The following AP3D1 variants were observed in gnomAD, a reference collection of about 807,000 sequenced individuals.
AP3D1 encodes AP-3 complex subunit delta-1.
AP3D1 carries 51 observed loss-of-function variants against 147.6 expected under a neutral mutation model. The ratio of observed to expected loss-of-function variants is 0.35; its 90% CI spans 0.28 to 0.44. The LOEUF is 0.44. Ranked by LOEUF, AP3D1 falls within the 20% of genes least tolerant of loss-of-function variation. The pLI, the probability that AP3D1 is intolerant of heterozygous loss-of-function variation, is 1.00. For synonymous variants in AP3D1, 760 were observed against 663.0 expected, an observed-to-expected ratio of 1.15 and a Z score of -2.25; for missense variants, 1,421 against 1,624.2, an observed-to-expected ratio of 0.87 and a Z score of 2.15.
At chr19:2,152,656 T>C (rs1484270693), upstream of AP3D1, among the ~76,000 whole-genome samples, 4 of 151,086 alleles carry the variant, frequency 2.6e-5, no homozygotes, top group Non-Finnish European at 5.9e-5. Flanking sequence ...GGCAGGTGGA[T>C]CATGAGGTCA....
chr19:2,102,728 AAAAT>A (rs148548478), intron 31 of AP3D1, among the ~76,000 whole-genome samples: 34,782 of 129,164 alleles, frequency 0.27, 4,855 homozygotes, highest in Admixed American at 0.31. Context: ...ACTGTCTCAA[AAAAT>A]AAATAAATAA....
intron 11 of AP3D1, 99 bp from the exon 12 acceptor site, chr19:2,121,978 G>T: frequency 7.1e-7 from 1 of 1,415,210 alleles, no homozygotes; most frequent in Non-Finnish European, 9.4e-7. Flanking sequence ...ACCTCGGGAG[G>T]CTGCCTGGCC....
chr19:2,159,938 G>C (rs955504992), intron 1 of AP3D1, among the ~76,000 whole-genome samples: 1 of 151,984 alleles, frequency 6.6e-6, no homozygotes, highest in Non-Finnish European at 1.5e-5. Context: ...GAATGGTCTC[G>C]ATCTCCTGAC....
intron 1 of AP3D1, among the ~76,000 whole-genome samples, chr19:2,163,981 C>G (rs942470034): frequency 4.5e-4 from 68 of 149,766 alleles, no homozygotes; most frequent in Non-Finnish European, 7.2e-4. Context: ...GCTGGAGGCC[C>G]CGGGCCTGTG....
In AP3D1 at chr19:2,132,055, C is replaced by G. The variant is rs555824330; in HGVS notation, c.462+416G>C. On this transcript the variant is annotated intron_variant, in intron 5 of 31. Coordinates refer to ENST00000643116, the MANE Select transcript of AP3D1 (RefSeq NM_001261826.3). ...GGGGCCAAAATTTCCAGGGGCTTCC[C>G]AGGTTTTAGACTGTCACAGCCGGGG... Among the ~76,000 whole-genome samples, 15 of 152,246 alleles carry G rather than the reference C, an allele frequency of 9.9e-5. No homozygotes were observed. The East Asian group carries it at 2.9e-3, about 29-fold the overall frequency.
At chr19:2,149,543 CAAA>C (rs34338190) in intron 1 of AP3D1, among the ~76,000 whole-genome samples, 1 of 115,038 alleles carries the variant, frequency 8.7e-6, no homozygotes, top group Admixed American at 8.8e-5. Context: ...AACTCCGTCT[CAAA>C]AAAAAAAAAA....
chr19:2,122,150 C>T (rs1251736001), intron 11 of AP3D1, among the ~76,000 whole-genome samples: 1 of 152,190 alleles, frequency 6.6e-6, no homozygotes, highest in Non-Finnish European at 1.5e-5. Context: ...GTAGTAGCTG[C>T]TGTCAGCTCT....
intron 1 of AP3D1, among the ~76,000 whole-genome samples, chr19:2,163,635 G>A (rs1483370760): frequency 6.6e-6 from 1 of 152,048 alleles, no homozygotes; most frequent in East Asian, 1.9e-4. Flanking sequence ...GGAGGTGTCC[G>A]GCGTCCTCCT....
intron 4 of AP3D1, among the ~76,000 whole-genome samples, chr19:2,133,020 T>C (rs1599479194): frequency 6.6e-6 from 1 of 152,160 alleles, no homozygotes; most frequent in African/African-American, 2.4e-5. Context: ...TCACTCCAAG[T>C]GTGGGGAAGG....
intron 18 of AP3D1, 41 bp from the exon 19 acceptor site, chr19:2,115,654 G>T: frequency 6.3e-7 from 1 of 1,585,416 alleles, no homozygotes; most frequent in Non-Finnish European, 8.6e-7. Context: ...GCACCGAGGG[G>T]TGACACACGT....
At chr19:2,118,901 C>A in intron 14 of AP3D1, 69 bp from the exon 15 acceptor site, 1 of 1,453,916 alleles carries the variant, frequency 6.9e-7, no homozygotes, top group South Asian at 1.3e-5. Flanking sequence ...AGGTGAGGAC[C>A]TAGGAGGCCT....
At chr19:2,107,679 G>A (rs1270984200) in intron 31 of AP3D1, among the ~76,000 whole-genome samples, 1 of 151,348 alleles carries the variant, frequency 6.6e-6, no homozygotes. Flanking sequence ...GGCGGAGCTT[G>A]CAGTGAGCTG....
chr19:2,153,855 G>T (rs920222371), upstream of AP3D1, among the ~76,000 whole-genome samples: 1 of 151,892 alleles, frequency 6.6e-6, no homozygotes, highest in Non-Finnish European at 1.5e-5. Flanking sequence ...CTTTCCCCTC[G>T]CCCGAGATAG....
upstream of AP3D1, among the ~76,000 whole-genome samples, chr19:2,152,792 C>T (rs1243748948): frequency 6.6e-6 from 1 of 151,770 alleles, no homozygotes; most frequent in Non-Finnish European, 1.5e-5. Context: ...AGAAGAATCT[C>T]TTGAACCCAG....
chr19:2,101,936 T>C lies in AP3D1; in HGVS notation c.*237A>G, dbSNP rs1599430146. 2 of 497,108 alleles carry C rather than the reference T, an allele frequency of 4.0e-6. No homozygotes were observed. The highest frequency in any genetic ancestry group is 7.2e-6 in the Non-Finnish European group (2 of 277,152). 30.8% of individuals were successfully genotyped at this position (497,108 alleles called of 1,614,324 possible). ...CCAGGTGGGGGAGTCCCTTGCTGGT[T>C]TGGGGGCGAGAAGGGGACTTCTTGC... On this transcript the variant is annotated 3_prime_UTR_variant, in exon 32 of 32. Transcript: ENST00000643116.
At chr19:2,126,398 G>A (rs2018755635) in intron 9 of AP3D1, among the ~76,000 whole-genome samples, 1 of 152,158 alleles carries the variant, frequency 6.6e-6, no homozygotes, top group South Asian at 2.1e-4. Context: ...GCTCAGGCCT[G>A]TAATCCCAGC....
At chr19:2,137,954 G>A (rs374267943) in intron 2 of AP3D1, 147 bp from the exon 3 acceptor site, 4 of 560,696 alleles carry the variant, frequency 7.1e-6, no homozygotes, top group South Asian at 5.0e-5. Context: ...TACCCCTGGG[G>A]CCTTTAATTT....
chr19:2,111,463 G>A, intron 25 of AP3D1, 131 bp from the exon 26 acceptor site: 1 of 1,291,254 alleles, frequency 7.7e-7, no homozygotes, highest in Non-Finnish European at 1.1e-6. Flanking sequence ...CTTCAAAGGA[G>A]CCGATGAGGG....
chr19:2,123,558 C>T, intron 10 of AP3D1, 152 bp from the exon 11 acceptor site: 3 of 863,462 alleles, frequency 3.5e-6, no homozygotes, highest in Non-Finnish European at 5.3e-6. Context: ...GCATGGCCCA[C>T]ATGGGGCACT....
Sources: allele counts gnomAD v4.1 joint callset (sites outside exome capture counted in the v4.1 genomes callset), GRCh38; gene constraint gnomAD v4.1.1; transcripts MANE v1.5; gene names NCBI Gene and HGNC (gene_info 2026-07-23, HGNC 2026-07-21).